PRKG1: variants seen among roughly 807,000 people sequenced by gnomAD.
The protein encoded by PRKG1 is protein kinase cGMP-dependent 1.
Under a neutral mutation model 88.1 loss-of-function variants are expected in PRKG1, and 35 were observed. That is an observed-to-expected ratio of 0.40 (90% CI 0.30 to 0.53). The LOEUF is 0.53. Ranked by LOEUF, PRKG1 falls within the 20% of genes least tolerant of loss-of-function variation. The pLI is 0.59. For synonymous variants in PRKG1, 303 were observed against 292.5 expected (o/e 1.04, Z -0.37); for missense variants, 540 against 839.8 (o/e 0.64, Z 4.41).
chr10:51,226,844 A>G (rs1056077344), intron 2 of PRKG1, among the ~76,000 whole-genome samples: 1 of 152,320 alleles, frequency 6.6e-6, no homozygotes, highest in East Asian at 1.9e-4. Context: ...GGCTCAGTAA[A>G]AGAAATAAAT....
chr10:51,844,312 C>T (rs1162884614), intron 4 of PRKG1, among the ~76,000 whole-genome samples: 1 of 151,934 alleles, frequency 6.6e-6, no homozygotes, highest in Non-Finnish European at 1.5e-5. Context: ...ACGTGTTCAT[C>T]TTACAAGTGA....
chr10:51,575,104 G>A (rs536873647), intron 3 of PRKG1, among the ~76,000 whole-genome samples: 4 of 152,088 alleles, frequency 2.6e-5, no homozygotes, highest in East Asian at 3.9e-4. Flanking sequence ...AGAGCTGTGA[G>A]TTCCCGAGGG....
Position 51,514,977 on chromosome 10 carries a change from C to A in PRKG1, c.592+47141C>A, listed in dbSNP as rs74879902. On this transcript the variant is annotated intron_variant, in intron 3 of 17. Coordinates refer to ENST00000373980, the MANE Select transcript of PRKG1 (RefSeq NM_006258.4). ...GTGGGATGTTTAACAGCATCCCTGA[C>A]CTCTACCCAACAGATGTCAGTAGTA... 5.7e-3 allele frequency among the ~76,000 whole-genome samples: 875 copies of A among 152,232 alleles called. 6 individuals are homozygous for A. The highest frequency in any genetic ancestry group is 0.016 in the African/African-American group (659 of 41,540).
intron 7 of PRKG1, among the ~76,000 whole-genome samples, chr10:52,095,652 G>C (rs528207290): frequency 6.6e-6 from 1 of 152,138 alleles, no homozygotes; most frequent in East Asian, 1.9e-4. Context: ...ATTTAATATT[G>C]AGCCAGTTGC....
At chr10:51,739,618 G>C (rs941864777) in intron 3 of PRKG1, among the ~76,000 whole-genome samples, 1 of 151,920 alleles carries the variant, frequency 6.6e-6, no homozygotes, top group Non-Finnish European at 1.5e-5. Flanking sequence ...AGGAAAAGAG[G>C]AAAAGGACCC....
chr10:51,127,143 G>A (rs775810596), intron 1 of PRKG1, among the ~76,000 whole-genome samples: 48 of 151,872 alleles, frequency 3.2e-4, no homozygotes, highest in Admixed American at 8.5e-4. Context: ...GCTTCTACAC[G>A]GCAAAATAAA....
intron 1 of PRKG1, among the ~76,000 whole-genome samples, chr10:51,143,792 C>A (rs963562670): frequency 5.3e-5 from 8 of 151,894 alleles, no homozygotes; most frequent in African/African-American, 1.4e-4. Context: ...TTATTAAATT[C>A]TTTTGCCCAT....
chr10:51,479,629 G>A (rs146870252), intron 3 of PRKG1, among the ~76,000 whole-genome samples: 13 of 151,822 alleles, frequency 8.6e-5, no homozygotes, highest in Non-Finnish European at 1.0e-4. Flanking sequence ...CACTCTCGAT[G>A]TGCATATTCT....
intron 1 of PRKG1, among the ~76,000 whole-genome samples, chr10:51,099,947 G>A (rs750555427): frequency 1.3e-5 from 2 of 152,092 alleles, no homozygotes; most frequent in African/African-American, 2.4e-5. Flanking sequence ...TTAGGCTGGC[G>A]TGCAGTGGCA....
At chr10:51,206,354 G>A (rs897758046) in intron 2 of PRKG1, among the ~76,000 whole-genome samples, 6 of 151,978 alleles carry the variant, frequency 3.9e-5, no homozygotes, top group South Asian at 2.1e-4. Context: ...TTAGCCAGGC[G>A]TGGGGGTGGG....
At chr10:51,798,214 G>A (rs1381149398) in intron 3 of PRKG1, among the ~76,000 whole-genome samples, 2 of 151,870 alleles carry the variant, frequency 1.3e-5, no homozygotes, top group East Asian at 3.9e-4. Context: ...ATTTTCTCAG[G>A]AACCACCATA....
At chr10:51,703,251 G>T (rs1322563152) in intron 3 of PRKG1, among the ~76,000 whole-genome samples, 3 of 151,998 alleles carry the variant, frequency 2.0e-5, no homozygotes, top group Non-Finnish European at 4.4e-5. Flanking sequence ...ATTCACTATA[G>T]AGTGTAAGGA....
chr10:51,408,830 T>G (rs57798182), intron 2 of PRKG1, among the ~76,000 whole-genome samples: 3,174 of 152,324 alleles, frequency 0.021, 82 homozygotes, highest in Middle Eastern at 0.058. Flanking sequence ...CTTATCCACT[T>G]GATTATTAAA....
At chr10:52,148,838 A>G (rs1837810386) in intron 8 of PRKG1, among the ~76,000 whole-genome samples, 1 of 152,164 alleles carries the variant, frequency 6.6e-6, no homozygotes, top group Non-Finnish European at 1.5e-5. Flanking sequence ...ATAAGGGTGA[A>G]AGAAAGATGG....
intron 3 of PRKG1, among the ~76,000 whole-genome samples, chr10:51,509,380 T>C (rs985537164): frequency 6.6e-6 from 1 of 152,220 alleles, no homozygotes; most frequent in Non-Finnish European, 1.5e-5. Context: ...AATTCAAGTC[T>C]CAATTTTATC....
chr10:52,134,856 TAGAACC>T (rs753949353), intron 8 of PRKG1, among the ~76,000 whole-genome samples: 25 of 152,228 alleles, frequency 1.6e-4, no homozygotes, highest in Admixed American at 4.6e-4. Flanking sequence ...GCTGGATCAC[TAGAACC>T]AGAGCAGAGA....
intron 1 of PRKG1, among the ~76,000 whole-genome samples, chr10:50,998,926 G>A (rs1052347997): frequency 3.3e-5 from 5 of 152,100 alleles, no homozygotes; most frequent in East Asian, 1.9e-4. Flanking sequence ...AACAGAGTTC[G>A]TTTTAAAAAT....
At chr10:51,255,649 C>T (rs1164408663) in intron 2 of PRKG1, among the ~76,000 whole-genome samples, 3 of 152,094 alleles carry the variant, frequency 2.0e-5, no homozygotes, top group Non-Finnish European at 4.4e-5. Context: ...GTGAGAGAGT[C>T]GTTCTTTCCT....
intron 2 of PRKG1, among the ~76,000 whole-genome samples, chr10:51,221,242 A>G (rs1838520457): frequency 6.6e-6 from 1 of 152,080 alleles, no homozygotes. Flanking sequence ...TGAAAAGACA[A>G]TGACTTTTTT....
Sources: gnomAD v4.1 joint callset for allele counts (sites outside exome capture counted in the v4.1 genomes callset) on GRCh38, gnomAD v4.1.1 for gene constraint, MANE v1.5 for transcripts, NCBI Gene and HGNC (gene_info 2026-07-23, HGNC 2026-07-21) for gene names.